SPINT2: variants seen among roughly 807,000 people sequenced by gnomAD.
SPINT2 encodes the protein serine peptidase inhibitor, Kunitz type 2.
Under a neutral mutation model 30.1 loss-of-function variants are expected in SPINT2, and 18 were observed. That is an observed-to-expected ratio of 0.60 (90% CI 0.41 to 0.89). SPINT2 has a LOEUF of 0.89. SPINT2 is among the 40% of genes least tolerant of loss of function. SPINT2 has a pLI of 0.00. For synonymous variants in SPINT2, 139 were observed against 137.9 expected (o/e 1.01, Z -0.05); for missense variants, 276 against 334.3 (o/e 0.83, Z 1.36).
intron 1 of SPINT2, among the ~76,000 whole-genome samples, chr19:38,271,332 A>T (rs996846408): frequency 4.6e-5 from 7 of 151,638 alleles, no homozygotes; most frequent in Non-Finnish European, 1.0e-4. Context: ...TCTACTAAAA[A>T]TACAAAAAAA....
intron 2 of SPINT2, among the ~76,000 whole-genome samples, chr19:38,285,545 A>G (rs1822496483): frequency 6.6e-6 from 1 of 152,098 alleles, no homozygotes; most frequent in Non-Finnish European, 1.5e-5. Flanking sequence ...GAGTTTCACC[A>G]TGTTACCCAG....
chr19:38,275,733 A>AT (rs200809145), intron 1 of SPINT2, among the ~76,000 whole-genome samples: 13,911 of 125,664 alleles, frequency 0.11, 745 homozygotes, highest in East Asian at 0.18. Flanking sequence ...TGACAAAAAA[A>AT]TTTTTTTTTT....
chr19:38,272,155 C>T lies in SPINT2; in HGVS notation c.106+7157C>T, dbSNP rs544397498. Among the ~76,000 whole-genome samples the T allele has an allele frequency of 3.3e-5, 5 of 152,190 alleles. No individual in the cohort carries two copies. The South Asian group carries it at 1.0e-3, about 32-fold the overall frequency. On this transcript the variant is annotated intron_variant, in intron 1 of 6. Coordinates refer to ENST00000301244, the MANE Select transcript of SPINT2 (RefSeq NM_021102.4). ...AGTGGAGGTTGCAGTGAGCCGAGAT[C>T]GCACCATTGCACTCCAGCCTGGGCG...
rs1048238993 is a variant in SPINT2, at chr19:38,274,987, C to T, written c.107-8640C>T. ...CTGGATGGTGGCCCAGAGGAAGCAA[C>T]ACTGGCAGAGCCTCTTCTGTGAAGC... is the stretch of plus-strand genomic sequence containing the variant. On this transcript the variant is annotated intron_variant, in intron 1 of 6. Coordinates refer to ENST00000301244, the MANE Select transcript of SPINT2 (RefSeq NM_021102.4). Among the ~76,000 whole-genome samples, 8 of 152,254 alleles carry T rather than the reference C, an allele frequency of 5.3e-5. No individual in the cohort carries two copies. The South Asian group carries it at 1.0e-3, about 20-fold the overall frequency.
At chr19:38,274,088 G>A (rs570295367) in intron 1 of SPINT2, among the ~76,000 whole-genome samples, 3 of 152,006 alleles carry the variant, frequency 2.0e-5, no homozygotes, top group East Asian at 1.9e-4. Flanking sequence ...AAAATTAACC[G>A]GGTATGGTGG....
At chr19:38,268,766 C>CGCGTGTGTGTGTGTGTGTGT (rs375982086) in intron 1 of SPINT2, among the ~76,000 whole-genome samples, 1,645 of 149,876 alleles carry the variant, frequency 0.011, 20 homozygotes, top group East Asian at 0.064. Flanking sequence ...TGCGCGCGCG[C>CGCGTGTGTGTGTGTGTGTGT]GTGTGTGTGT....
rs1968731842 is a variant in SPINT2 at position 38,292,289 on chromosome 19, A to G, written c.*283A>G. ...GTTTTCTTTGCTTATGTTGAATTCC[A>G]TTGCCTCTTTTCTCATCACAGAAGT... On this transcript the variant is annotated 3_prime_UTR_variant, in exon 7 of 7. Coordinates refer to ENST00000301244, the MANE Select transcript of SPINT2 (RefSeq NM_021102.4). The G allele has an allele frequency of 1.1e-5, 4 of 373,826 alleles. No homozygotes were observed. Among genetic ancestry groups the G allele is most frequent in the Non-Finnish European group, 2.0e-5 (4 of 201,082 alleles). The allele number at this position is 373,826 out of a possible 1,614,324, so 23.2% of individuals were successfully genotyped here.
At chr19:38,286,774 C>T (rs1308678996) in intron 2 of SPINT2, among the ~76,000 whole-genome samples, 4 of 152,120 alleles carry the variant, frequency 2.6e-5, no homozygotes, top group Non-Finnish European at 5.9e-5. Flanking sequence ...CAGAGCGAGA[C>T]TCCGTTTCAA....
chr19:38,272,694 G>T (rs1968470752), intron 1 of SPINT2, among the ~76,000 whole-genome samples: 2 of 152,098 alleles, frequency 1.3e-5, no homozygotes, highest in Non-Finnish European at 2.9e-5. Context: ...GTAGTGATGA[G>T]TTGCATTGTG....
intron 2 of SPINT2, among the ~76,000 whole-genome samples, chr19:38,284,295 A>G (rs540476350): frequency 1.1e-4 from 17 of 151,338 alleles, no homozygotes; most frequent in African/African-American, 3.4e-4. Context: ...GGGTCTCCCT[A>G]TGTTACCCAG....
chr19:38,287,493 G>A (rs540345148), intron 2 of SPINT2, among the ~76,000 whole-genome samples: 9 of 152,226 alleles, frequency 5.9e-5, no homozygotes, highest in East Asian at 5.8e-4. Context: ...CACCGCACCC[G>A]GCCCTAACTT....
rs1399976881 is a variant in SPINT2 at position 38,287,921 on chromosome 19, C to A, written c.323C>A (p.Ser108Tyr). The A allele has an allele frequency of 2.5e-6, 4 of 1,614,162 alleles. No homozygotes were observed. The highest frequency in any genetic ancestry group is 3.4e-6 in the Non-Finnish European group (4 of 1,180,008). Residue 108 changes from serine (S) to tyrosine (Y), a missense_variant, in exon 3 of 7, where the codon TCC becomes TAC. Coordinates refer to ENST00000301244, the MANE Select transcript of SPINT2 (RefSeq NM_021102.4). ...GCCACCAGCAGGAATGCAGCGGATT[C>A]CTCTGTCCCAAGTGGTAGGTTCTTA... ...DLATSRNAAD[S>Y]SVPSAPRRQD...
intron 3 of SPINT2, chr19:38,288,525 A>G (rs1309810410): frequency 2.0e-5 from 4 of 201,292 alleles, no homozygotes; most frequent in Admixed American, 1.1e-4. Context: ...ACCAGGTAGC[A>G]AATGCACCCT....
At chr19:38,280,019 C>T (rs573496719) in intron 1 of SPINT2, among the ~76,000 whole-genome samples, 2 of 152,126 alleles carry the variant, frequency 1.3e-5, no homozygotes, top group Admixed American at 6.6e-5. Flanking sequence ...CCTACTTTAC[C>T]GAAGGAACCT....
chr19:38,279,076 AC>A (rs1968551005), intron 1 of SPINT2, among the ~76,000 whole-genome samples: 2 of 152,080 alleles, frequency 1.3e-5, no homozygotes, highest in Non-Finnish European at 2.9e-5. Context: ...TTCCATACTC[AC>A]AAAAAGATGT....
intron 6 of SPINT2, chr19:38,291,547 G>A (rs1194269629): frequency 2.5e-6 from 1 of 403,396 alleles, no homozygotes; most frequent in Non-Finnish European, 4.6e-6. Context: ...GTTGCCCTGA[G>A]AGTTGGGTTT....
intron 2 of SPINT2, among the ~76,000 whole-genome samples, chr19:38,286,222 G>A (rs1968639270): frequency 6.6e-6 from 1 of 152,170 alleles, no homozygotes; most frequent in African/African-American, 2.4e-5. Flanking sequence ...GTGAGAATGA[G>A]ACTGCCAGTG....
At chr19:38,281,971 C>T (rs1444121567) in intron 1 of SPINT2, among the ~76,000 whole-genome samples, 1 of 152,190 alleles carries the variant, frequency 6.6e-6, no homozygotes, top group African/African-American at 2.4e-5. Flanking sequence ...ATAAGGTACC[C>T]TCTAACGGGT....
chr19:38,266,107 T>TG (rs1968375183), intron 1 of SPINT2, among the ~76,000 whole-genome samples: 1 of 152,142 alleles, frequency 6.6e-6, no homozygotes, highest in Non-Finnish European at 1.5e-5. Flanking sequence ...GGGGGACCAG[T>TG]GTCCAGTTGC....
Sources: allele counts gnomAD v4.1 joint callset (sites outside exome capture counted in the v4.1 genomes callset), GRCh38; gene constraint gnomAD v4.1.1; transcripts MANE v1.5; gene names NCBI Gene and HGNC (gene_info 2026-07-23, HGNC 2026-07-21).